ANKRD44: variants seen among roughly 807,000 people sequenced by gnomAD.
ANKRD44 encodes serine/threonine-protein phosphatase 6 regulatory ankyrin repeat subunit B.
Under a neutral mutation model 116.0 loss-of-function variants are expected in ANKRD44, and 35 were observed. That is an observed-to-expected ratio of 0.30 (90% CI 0.23 to 0.40). The LOEUF (loss-of-function observed/expected upper bound fraction) is 0.40, where lower values mean the gene tolerates loss of function less well. Ranked by LOEUF, ANKRD44 falls within the 10% of genes least tolerant of loss-of-function variation. The pLI, the probability that ANKRD44 is intolerant of heterozygous loss-of-function variation, is 1.00. For synonymous variants in ANKRD44, 435 were observed against 461.8 expected (o/e 0.94, Z 0.74); for missense variants, 1,014 against 1,242.6 (o/e 0.82, Z 2.77).
At chr2:197,251,888 CTACT>C (rs1292796283) in intron 1 of ANKRD44, among the ~76,000 whole-genome samples, 2 of 152,164 alleles carry the variant, frequency 1.3e-5, no homozygotes, top group Admixed American at 6.5e-5. Context: ...AAGGTTTCCA[CTACT>C]TATTTTTTTT....
chr2:197,014,613 C>G (rs192446809), intron 17 of ANKRD44, among the ~76,000 whole-genome samples: 2 of 152,004 alleles, frequency 1.3e-5, no homozygotes, highest in East Asian at 3.9e-4. Context: ...AATAGTGAAA[C>G]CTCGTCCCTA....
intron 2 of ANKRD44, among the ~76,000 whole-genome samples, chr2:197,182,942 G>A (rs1453700157): frequency 1.3e-5 from 2 of 152,118 alleles, no homozygotes; most frequent in East Asian, 1.9e-4. Flanking sequence ...TTGAGAAGGT[G>A]GTAGAGAAGA....
At chr2:197,295,379 C>A (rs188754999) in intron 1 of ANKRD44, among the ~76,000 whole-genome samples, 18 of 152,302 alleles carry the variant, frequency 1.2e-4, no homozygotes, top group Admixed American at 1.0e-3. Flanking sequence ...GCTGTTGTAG[C>A]GCCCATAGAC....
intron 3 of ANKRD44, 40 bp from the exon 4 acceptor site, chr2:197,136,702 A>G (rs765198696): frequency 1.7e-5 from 27 of 1,577,796 alleles, no homozygotes; most frequent in Non-Finnish European, 2.1e-5. Context: ...TAATGGGGTC[A>G]AGGGAAGCCC....
intron 16 of ANKRD44, among the ~76,000 whole-genome samples, chr2:197,044,751 G>T (rs2076971655): frequency 6.6e-6 from 1 of 152,048 alleles, no homozygotes; most frequent in Non-Finnish European, 1.5e-5. Flanking sequence ...CACAAACTGA[G>T]ATCTCACTTG....
At chr2:197,197,179 C>T (rs1345615444) in intron 1 of ANKRD44, among the ~76,000 whole-genome samples, 1 of 152,114 alleles carries the variant, frequency 6.6e-6, no homozygotes, top group East Asian at 1.9e-4. Context: ...GAAGCATCTT[C>T]TCATTTCCCC....
At chr2:197,104,060 A>G (rs1310152970) in intron 9 of ANKRD44, among the ~76,000 whole-genome samples, 1 of 152,224 alleles carries the variant, frequency 6.6e-6, no homozygotes, top group African/African-American at 2.4e-5. Flanking sequence ...TGCTATTAAG[A>G]AAAACACAGG....
At chr2:197,118,642 A>AGAAG (rs770838081) in intron 8 of ANKRD44, among the ~76,000 whole-genome samples, 2 of 140,186 alleles carry the variant, frequency 1.4e-5, no homozygotes, top group Admixed American at 7.1e-5. Flanking sequence ...AGAGAGAGAA[A>AGAAG]GAAAGAAAGA....
intron 25 of ANKRD44, 95 bp downstream of exon 25, chr2:196,998,242 A>T: frequency 3.4e-6 from 3 of 893,378 alleles, no homozygotes; most frequent in Non-Finnish European, 5.2e-6. Flanking sequence ...CTTAATTAAG[A>T]GCCATGCTAC....
At chr2:197,273,370 G>T (rs892360554) in intron 1 of ANKRD44, among the ~76,000 whole-genome samples, 3 of 152,144 alleles carry the variant, frequency 2.0e-5, no homozygotes, top group Non-Finnish European at 2.9e-5. Context: ...AGATGCAAAA[G>T]GTCAATGAGC....
chr2:197,015,593 T>G, intron 17 of ANKRD44: 1 of 531,614 alleles, frequency 1.9e-6, no homozygotes, highest in Non-Finnish European at 3.4e-6. Flanking sequence ...GGAAGTAATT[T>G]TGGCTGTGGT....
chr2:197,262,930 G>A (rs2697283), intron 1 of ANKRD44, among the ~76,000 whole-genome samples: 125,170 of 151,684 alleles, frequency 0.83, 51,766 homozygotes, highest in South Asian at 0.9. Flanking sequence ...AACAAAAAAC[G>A]TTAGCAATAC....
At chr2:196,970,917 T>A (rs1469084286) in intron 21 of ANKRD44, among the ~76,000 whole-genome samples, 1 of 152,098 alleles carries the variant, frequency 6.6e-6, no homozygotes, top group Non-Finnish European at 1.5e-5. Flanking sequence ...TGCTCACACT[T>A]GTCTCAAATG....
intron 1 of ANKRD44, among the ~76,000 whole-genome samples, chr2:197,213,763 A>G (rs1176212967): frequency 1.3e-5 from 2 of 152,220 alleles, no homozygotes; most frequent in African/African-American, 4.8e-5. Flanking sequence ...GCACGTTTTC[A>G]TAAACAGGCA....
At chr2:197,197,373 G>A (rs1426916267) in intron 1 of ANKRD44, among the ~76,000 whole-genome samples, 1 of 152,174 alleles carries the variant, frequency 6.6e-6, no homozygotes, top group Non-Finnish European at 1.5e-5. Flanking sequence ...CCAGTGCGTA[G>A]CTCCTTTATT....
At chr2:197,226,355 C>T (rs759584673) in intron 1 of ANKRD44, among the ~76,000 whole-genome samples, 1 of 152,102 alleles carries the variant, frequency 6.6e-6, no homozygotes, top group African/African-American at 2.4e-5. Context: ...AGATAGGGCC[C>T]AGTCACCAAT....
intron 1 of ANKRD44, among the ~76,000 whole-genome samples, chr2:197,232,427 T>C (rs1160898343): frequency 6.6e-6 from 1 of 152,194 alleles, no homozygotes; most frequent in Admixed American, 6.5e-5. Flanking sequence ...AAATGTTCTA[T>C]CTATTTGGAA....
intron 1 of ANKRD44, among the ~76,000 whole-genome samples, chr2:197,256,242 C>T (rs184507211): frequency 6.6e-6 from 1 of 152,238 alleles, no homozygotes; most frequent in African/African-American, 2.4e-5. Flanking sequence ...CAACAGTGGA[C>T]CAGGCTCATT....
intron 1 of ANKRD44, among the ~76,000 whole-genome samples, chr2:197,300,180 C>T (rs2083856008): frequency 6.6e-6 from 1 of 152,340 alleles, no homozygotes; most frequent in South Asian, 2.1e-4. Context: ...GCATGTAGTA[C>T]CTATCAAAGA....
Sources: gnomAD v4.1 joint callset for allele counts (sites outside exome capture counted in the v4.1 genomes callset) on GRCh38, gnomAD v4.1.1 for gene constraint, MANE v1.5 for transcripts, NCBI Gene and HGNC (gene_info 2026-07-23, HGNC 2026-07-21) for gene names.